RGS6: variants seen among roughly 807,000 people sequenced by gnomAD.
RGS6 encodes regulator of G-protein signaling 6.
In RGS6, 30 loss-of-function variants were observed where a neutral mutation model predicts 78.5. The ratio of observed to expected loss-of-function variants is 0.38; its 90% CI spans 0.29 to 0.52. The LOEUF (loss-of-function observed/expected upper bound fraction) is 0.52, where lower values mean the gene tolerates loss of function less well. RGS6 is among the 20% of genes least tolerant of loss of function. The probability of loss-of-function intolerance (pLI) is 0.85; values close to 1 mark genes in which losing one functional copy is unlikely to be tolerated. For missense variants in RGS6, 495 were observed against 609.7 expected, an observed-to-expected ratio of 0.81 and a Z score of 1.98; for synonymous variants, 206 against 206.0, an observed-to-expected ratio of 1.00 and a Z score of 0.00.
intron 2 of RGS6, among the ~76,000 whole-genome samples, chr14:72,071,353 T>C (rs1159716899): frequency 6.6e-6 from 1 of 152,358 alleles, no homozygotes; most frequent in Middle Eastern, 3.4e-3. Flanking sequence ...GTTTTGCTGC[T>C]AAGAACACTC....
At chr14:72,606,795 G>A in the RGS6 span, among the ~76,000 whole-genome samples, 94 of 152,236 alleles carry the variant, frequency 6.2e-4, no homozygotes, top group Non-Finnish European at 2.9e-5. Flanking sequence ...CCAGCGGTAG[G>A]TAATGACTGA....
intron 2 of RGS6, among the ~76,000 whole-genome samples, chr14:72,016,839 G>T (rs962743702): frequency 6.6e-6 from 1 of 152,044 alleles, no homozygotes; most frequent in Non-Finnish European, 1.5e-5. Context: ...AGCCCTATTG[G>T]GCTTTTGTTG....
chr14:71,927,627 C>A (rs1407296915), upstream of RGS6, among the ~76,000 whole-genome samples: 5 of 152,026 alleles, frequency 3.3e-5, no homozygotes, highest in Non-Finnish European at 4.4e-5. Flanking sequence ...CGTGACTTAT[C>A]AGGTCTGAGA....
At chr14:72,444,168 T>C (rs764037185) in intron 3 of RGS6, among the ~76,000 whole-genome samples, 15 of 152,154 alleles carry the variant, frequency 9.9e-5, no homozygotes, top group Non-Finnish European at 2.1e-4. Context: ...GTTATGAGGT[T>C]ATGAATCAAT....
intron 2 of RGS6, among the ~76,000 whole-genome samples, chr14:72,020,353 A>G (rs1227313897): frequency 6.6e-6 from 1 of 152,214 alleles, no homozygotes; most frequent in African/African-American, 2.4e-5. Flanking sequence ...TTCTGTGTTC[A>G]GAAAATACCC....
chr14:72,043,873 A>G (rs1358117476), intron 2 of RGS6, among the ~76,000 whole-genome samples: 2 of 152,022 alleles, frequency 1.3e-5, no homozygotes, highest in Non-Finnish European at 2.9e-5. Context: ...CACCTTTGCA[A>G]TTATTCCACA....
At position 72,365,568 on chromosome 14, in the gene RGS6, ATTTG is replaced by A. The variant is rs370309834; in HGVS notation, c.184+13379_184+13382del. 2.8e-4 allele frequency among the ~76,000 whole-genome samples: 43 copies of A among 152,240 alleles called. No homozygotes were observed. In the East Asian group the frequency reaches 4.8e-3, roughly 17 times the overall value. ...CTTGACTTTCCATCTCACAAATTAA[ATTTG>A]TTTGGTGAATTCCTGAAGGATCCAT... On this transcript the variant is annotated intron_variant, in intron 3 of 17. Transcript: ENST00000553525.
At chr14:72,525,820 A>C (rs1197028867) in intron 15 of RGS6, among the ~76,000 whole-genome samples, 1 of 152,198 alleles carries the variant, frequency 6.6e-6, no homozygotes, top group East Asian at 1.9e-4. Flanking sequence ...TATTTTAATA[A>C]GGAATTCTGT....
chr14:72,490,871 T>C (rs970646188), intron 12 of RGS6, among the ~76,000 whole-genome samples: 1 of 152,198 alleles, frequency 6.6e-6, no homozygotes, highest in Non-Finnish European at 1.5e-5. Flanking sequence ...AGGAATGAGA[T>C]ATGGTTCTCT....
intron 2 of RGS6, among the ~76,000 whole-genome samples, chr14:72,326,781 C>T (rs191552469): frequency 6.6e-6 from 1 of 152,194 alleles, no homozygotes; most frequent in African/African-American, 2.4e-5. Flanking sequence ...TGGTTCGGCT[C>T]ACTGCAAGCT....
At chr14:72,529,284 G>A (rs2097153748) in intron 15 of RGS6, among the ~76,000 whole-genome samples, 1 of 152,200 alleles carries the variant, frequency 6.6e-6, no homozygotes, top group Non-Finnish European at 1.5e-5. Context: ...GGTTTTCTCA[G>A]ACCCGCACCT....
chr14:72,142,602 C>G (rs562184721), intron 2 of RGS6, among the ~76,000 whole-genome samples: 41 of 152,258 alleles, frequency 2.7e-4, no homozygotes, highest in African/African-American at 8.2e-4. Context: ...ATTCTTTTAT[C>G]CAGAGGAGGC....
chr14:71,876,131 G>A, the RGS6 span, among the ~76,000 whole-genome samples: 1,315 of 152,246 alleles, frequency 8.6e-3, 13 homozygotes, highest in Middle Eastern at 0.024. Context: ...GTTGATTTGG[G>A]GTGGAGAGTT....
chr14:72,602,564 A>C, the RGS6 span, among the ~76,000 whole-genome samples: 3 of 152,330 alleles, frequency 2.0e-5, no homozygotes, highest in East Asian at 5.8e-4. Flanking sequence ...GCCGACTCAC[A>C]GTGCGCACCG....
intron 3 of RGS6, among the ~76,000 whole-genome samples, chr14:72,372,280 G>T (rs1039707709): frequency 3.3e-5 from 5 of 152,158 alleles, no homozygotes; most frequent in Non-Finnish European, 7.4e-5. Context: ...AATAAGGCAT[G>T]TTTTGTACAA....
At chr14:72,149,425 A>G (rs561994339) in intron 2 of RGS6, among the ~76,000 whole-genome samples, 18 of 152,212 alleles carry the variant, frequency 1.2e-4, no homozygotes, top group Non-Finnish European at 2.6e-4. Context: ...AGAAGAAATC[A>G]GTTATCATTC....
At chr14:72,084,754 C>T (rs2094957321) in intron 2 of RGS6, among the ~76,000 whole-genome samples, 1 of 151,340 alleles carries the variant, frequency 6.6e-6, no homozygotes. Context: ...TTTTTTCCTG[C>T]TGAAACTTGC....
chr14:72,411,678 A>C (rs1204117276), intron 3 of RGS6, among the ~76,000 whole-genome samples: 1 of 152,178 alleles, frequency 6.6e-6, no homozygotes, highest in African/African-American at 2.4e-5. Context: ...GTTTTTGTCC[A>C]TTCAGTATGA....
intron 1 of RGS6, among the ~76,000 whole-genome samples, chr14:71,938,538 G>A (rs929449129): frequency 1.3e-5 from 2 of 152,196 alleles, no homozygotes; most frequent in Non-Finnish European, 2.9e-5. Flanking sequence ...TCTGTCAACT[G>A]ATGATAGGGA....
Sources: gnomAD v4.1 joint callset for allele counts (sites outside exome capture counted in the v4.1 genomes callset) on GRCh38, gnomAD v4.1.1 for gene constraint, MANE v1.5 for transcripts, NCBI Gene and HGNC (gene_info 2026-07-23, HGNC 2026-07-21) for gene names.